SART1: variants seen among roughly 807,000 people sequenced by gnomAD.
The protein encoded by SART1 is U4/U6.U5 tri-snRNP-associated protein 1.
In SART1, 28 loss-of-function variants were observed where a neutral mutation model predicts 105.0. The observed-to-expected ratio is 0.27, with a 90% confidence interval of 0.20 to 0.37. The LOEUF (loss-of-function observed/expected upper bound fraction) is 0.37, where lower values mean the gene tolerates loss of function less well. Among genes scored for constraint, SART1 ranks in the 10% least tolerant of loss-of-function variants. The probability of loss-of-function intolerance (pLI) is 1.00; values close to 1 mark genes in which losing one functional copy is unlikely to be tolerated. For synonymous variants in SART1, 472 were observed against 462.9 expected (o/e 1.02, Z -0.25); for missense variants, 894 against 1,106.5 (o/e 0.81, Z 2.72).
In SART1 at chr11:65,965,188, A is replaced by G; in HGVS notation, c.524A>G (p.Lys175Arg). 6.2e-7 allele frequency: 1 copy of G among 1,607,464 alleles called. No individual in the cohort carries two copies. Among genetic ancestry groups the G allele is most frequent in the South Asian group, 1.1e-5 (1 of 90,708 alleles). The change falls in exon 4 of 20, where the codon AAG becomes AGG. Residue 175 changes from lysine to arginine, a missense_variant. Transcript: ENST00000312397. ...EELREKLAAA[K>R]EKRLLNQKLG... is the part of the protein sequence containing the mutation. ...CTGCGGGAGAAGCTGGCGGCTGCCA[A>G]GGAGAAGCGCCTGCTGAACCAAAAG...
chr11:65,976,722 G>A lies in SART1; in HGVS notation c.1813G>A (p.Gly605Ser). ...GSESDGEENI[G>S]WSTVNLDEEK... ...CGAATCTGACGGGGAGGAGAACATCGGCTGGAGCACGGTGAACCTGGACGA... is the reference window on the plus strand; with the variant it reads ...CGAATCTGACGGGGAGGAGAACATCAGCTGGAGCACGGTGAACCTGGACGA... Residue 605 changes from glycine to serine, a missense_variant, in exon 14 of 20, where the codon GGC (glycine) becomes AGC (serine). Gly to Ser is a moderately conservative substitution (Grantham distance 56, BLOSUM62 0). This residue lies in a region of SART1 where 182 missense variants were observed against 328.3 expected (regional missense o/e 0.55). Transcript: ENST00000312397. The surrounding 1 kb of genome is among the most constrained non-coding windows in gnomAD (Gnocchi z 5.1). 1 of 1,613,190 alleles carries A rather than the reference G, an allele frequency of 6.2e-7. No homozygotes were observed. The highest frequency in any genetic ancestry group is 8.5e-7 in the Non-Finnish European group (1 of 1,179,770).
At chr11:65,969,160 G>A (rs1354608183) in intron 12 of SART1, among the ~76,000 whole-genome samples, 1 of 152,170 alleles carries the variant, frequency 6.6e-6, no homozygotes, top group Non-Finnish European at 1.5e-5. Context: ...TTGAAGGGCT[G>A]GAGAGGACGT....
At chr11:65,964,215 A>G (rs1008823260) in intron 2 of SART1, 84 bp downstream of exon 2, 5 of 1,148,096 alleles carry the variant, frequency 4.4e-6, no homozygotes, top group African/African-American at 3.0e-5. Flanking sequence ...TTCTCACATG[A>G]AAGTGTGCTA....
At chr11:65,964,294 C>T (rs1482689395) in intron 2 of SART1, 163 bp downstream of exon 2, 2 of 850,612 alleles carry the variant, frequency 2.4e-6, no homozygotes, top group African/African-American at 1.7e-5. Context: ...AAACTAAAAC[C>T]TAAGAGTAAA....
At chr11:65,965,610 G>A in intron 5 of SART1, 92 bp from the exon 6 acceptor site, 1 of 1,399,928 alleles carries the variant, frequency 7.1e-7, no homozygotes, top group Non-Finnish European at 9.9e-7. Context: ...TGCAAGGCCT[G>A]CCCTTTTTGC....
At position 65,967,180 on chromosome 11, in the gene SART1, GA is replaced by G. The variant is rs1855276507; in HGVS notation, c.1189-77del. The stretch of plus-strand genomic sequence containing the variant: ...CTGGCTAGCACAGAGGAACACCAAA[GA>G]AGTGTTCACCCTCGAGGGCTTGTGG... On this transcript the variant is annotated intron_variant, in intron 9 of 19. Transcript: ENST00000312397. 6.4e-6 allele frequency: 10 copies of G among 1,563,086 alleles called. No individual in the cohort carries two copies. In the South Asian group the frequency reaches 1.2e-4, roughly 19 times the overall value.
At chr11:65,964,877 A>T (rs1266305450) in intron 3 of SART1, among the ~76,000 whole-genome samples, 2 of 152,090 alleles carry the variant, frequency 1.3e-5, no homozygotes, top group Non-Finnish European at 2.9e-5. Context: ...TTAAAGCACG[A>T]TTTGAGGGGC....
In SART1 at chr11:65,977,645, G is replaced by A. The variant is rs1391516524; in HGVS notation, c.2028G>A (p.Glu676=). ...TGCCCTCAGCCGTGTACTGCATCGA[G>A]GATAAGATGTGAGTGTGGTGGGGCC... ...KSLPSAVYCI[E]DKMAIDDKYS... The change falls in exon 16 of 20, where the codon GAG becomes GAA. Residue 676 remains glutamate (E), a synonymous_variant. Transcript: ENST00000312397. 11 of 1,613,926 alleles carry A rather than the reference G, an allele frequency of 6.8e-6. No homozygotes were observed. The highest frequency in any genetic ancestry group is 9.3e-6 in the Non-Finnish European group (11 of 1,180,016).
Position 65,961,993 on chromosome 11 carries a change from A to G in SART1, c.213A>G (p.Glu71=). ...GCGGGAGCGGGCGGCGCGGGGCCGA[A>G]GCTGAGGCCCGGAGCAGCACGCACG... is the stretch of plus-strand genomic sequence containing the variant. ...GERGSGRRGA[E]AEARSSTHGR... The change falls in exon 1 of 20, where the codon GAA becomes GAG. Residue 71 remains glutamate (E), a synonymous_variant. Coordinates refer to ENST00000312397, the MANE Select transcript of SART1 (RefSeq NM_005146.5). The G allele has an allele frequency of 1.3e-6, 2 of 1,514,716 alleles. No homozygotes were observed. Among genetic ancestry groups the G allele is most frequent in the Non-Finnish European group, 1.8e-6 (2 of 1,134,780 alleles). 93.8% of individuals were successfully genotyped at this position (1,514,716 alleles called of 1,614,324 possible).
chr11:65,977,939 C>T (rs1211739118), intron 17 of SART1, 40 bp downstream of exon 17: 1 of 1,590,978 alleles, frequency 6.3e-7, no homozygotes, highest in Admixed American at 1.8e-5. Flanking sequence ...CGGCCTGCCA[C>T]AGGGAGGCCA....
At chr11:65,973,765 T>C (rs1370824072) in intron 12 of SART1, among the ~76,000 whole-genome samples, 2 of 152,240 alleles carry the variant, frequency 1.3e-5, no homozygotes, top group Non-Finnish European at 2.9e-5. Flanking sequence ...GCTCACGGGC[T>C]GTGATTCCAT....
At position 65,976,759 on chromosome 11, in the gene SART1, A is replaced by C; in HGVS notation, c.1850A>C (p.Gln617Pro). ...STVNLDEEKQQQDFSASSTTI... is the reference protein window; with the variant it reads ...STVNLDEEKQPQDFSASSTTI... ...GTGAACCTGGACGAGGAGAAGCAGCAGCAGGATGTGAGGGCCGCGCCGCTG... is the reference window on the plus strand; with the variant it reads ...GTGAACCTGGACGAGGAGAAGCAGCCGCAGGATGTGAGGGCCGCGCCGCTG... The change falls in exon 14 of 20, where the codon CAG (glutamine) becomes CCG (proline). Residue 617 changes from glutamine to proline, a missense_variant. Physicochemically the swap from Gln to Pro is moderately conservative, Grantham distance 76. Around this residue, in one of 2 missense-constraint regions of SART1, gnomAD observed 182 missense variants for 328.3 expected, o/e 0.55. Coordinates refer to ENST00000312397, the MANE Select transcript of SART1 (RefSeq NM_005146.5). This position sits in a 1 kb window ranked among gnomAD's most constrained non-coding sequence, Gnocchi z 5.1. 1 of 1,609,896 alleles carries C rather than the reference A, an allele frequency of 6.2e-7. No homozygotes were observed. Among genetic ancestry groups the C allele is most frequent in the Middle Eastern group, 1.9e-4 (1 of 5,342 alleles).
At chr11:65,962,800 G>T (rs1209459727) in intron 1 of SART1, among the ~76,000 whole-genome samples, 3 of 152,230 alleles carry the variant, frequency 2.0e-5, no homozygotes, top group Non-Finnish European at 4.4e-5. Flanking sequence ...GCAGCAGTGG[G>T]ATTGAGAGAA....
In SART1 at chr11:65,978,522, T is replaced by G; in HGVS notation, c.2173-78T>G. ...TGGGGTCAATCAACACCCGCCCTGT[T>G]ATTATACACCTTGTGGGCACAGGTG... On this transcript the variant is annotated intron_variant, in intron 17 of 19. Coordinates refer to ENST00000312397, the MANE Select transcript of SART1 (RefSeq NM_005146.5). This position sits in a 1 kb window ranked among gnomAD's most constrained non-coding sequence, Gnocchi z 6.8. 2 of 1,401,038 alleles carry G rather than the reference T, an allele frequency of 1.4e-6. No individual in the cohort carries two copies. Among genetic ancestry groups the G allele is most frequent in the Non-Finnish European group, 2.0e-6 (2 of 1,012,942 alleles). The allele number at this position is 1,401,038 out of a possible 1,614,324, so 86.8% of individuals were successfully genotyped here.
Position 65,976,868 on chromosome 11 carries a change from G to C in SART1, c.1857+102G>C. ...GCCTCAGCCTCCTCATCCAGAGTGG[G>C]CTCTGCAGACCTCCCAGGGCGATCT... is the stretch of plus-strand genomic sequence containing the variant. On this transcript the variant is annotated intron_variant, in intron 14 of 19. Coordinates refer to ENST00000312397, the MANE Select transcript of SART1 (RefSeq NM_005146.5). This position sits in a 1 kb window ranked among gnomAD's most constrained non-coding sequence, Gnocchi z 5.1. 1.7e-6 allele frequency: 2 copies of C among 1,175,278 alleles called. No individual in the cohort carries two copies. Among genetic ancestry groups the C allele is most frequent in the Admixed American group, 2.0e-5 (1 of 49,146 alleles). 72.8% of individuals were successfully genotyped at this position (1,175,278 alleles called of 1,614,324 possible). A position where few individuals can be genotyped will look rare whatever the true frequency, so the allele number is the denominator to read the frequency against.
Position 65,977,579 on chromosome 11 carries a change from A to G in SART1, c.1962A>G (p.Thr654=). ...LCQNKGLLET[T]VQKVARVKAP... is the part of the protein sequence containing the mutation. ...CATCCCTAGGGCTGCTGGAGACCAC[A>G]GTGCAGAAGGTGGCCCGGGTGAAGG... is the stretch of plus-strand genomic sequence containing the variant. Residue 654 remains threonine (T), a synonymous_variant, in exon 16 of 20, where the codon ACA becomes ACG. Transcript: ENST00000312397. 2 of 1,613,960 alleles carry G rather than the reference A, an allele frequency of 1.2e-6. No individual in the cohort carries two copies. Among genetic ancestry groups the G allele is most frequent in the Non-Finnish European group, 1.7e-6 (2 of 1,179,972 alleles).
Position 65,978,949 on chromosome 11 carries a change from T to C in SART1, c.2384+35T>C. 6.2e-7 allele frequency: 1 copy of C among 1,608,870 alleles called. No homozygotes were observed. The highest frequency in any genetic ancestry group is 8.5e-7 in the Non-Finnish European group (1 of 1,177,294). On this transcript the variant is annotated intron_variant, in intron 19 of 19. Transcript: ENST00000312397. The surrounding 1 kb of genome is among the most constrained non-coding windows in gnomAD (Gnocchi z 6.8). Reference sequence around the variant, plus strand: ...TCGAGGCTGGTGGGGTAGGGTGTGGTGGGGAGGGGTGGCGTGGCCTGTGCC... The same window carrying C: ...TCGAGGCTGGTGGGGTAGGGTGTGGCGGGGAGGGGTGGCGTGGCCTGTGCC...
chr11:65,961,813 G>A lies in SART1; in HGVS notation c.33G>A (p.Lys11=), dbSNP rs768508713. The A allele has an allele frequency of 6.4e-7, 1 of 1,561,046 alleles. No homozygotes were observed. Among genetic ancestry groups the A allele is most frequent in the African/African-American group, 1.4e-5 (1 of 69,758 alleles). The part of the protein sequence containing the change: MGSSKKHRGE[K]EAAGTTAAAG... ...CGTCCAAGAAGCATCGCGGAGAGAA[G>A]GAGGCGGCCGGGACGACGGCGGCGG... The change falls in exon 1 of 20, where the codon AAG becomes AAA. Residue 11 remains lysine (K), a synonymous_variant. Transcript: ENST00000312397.
At chr11:65,974,393 C>CAAA (rs1855442037) in intron 12 of SART1, among the ~76,000 whole-genome samples, 5 of 87,976 alleles carry the variant, frequency 5.7e-5, no homozygotes, top group Admixed American at 2.9e-4. Flanking sequence ...AAAAAAAAAC[C>CAAA]ATATCAGCCG....
Sources: gnomAD v4.1 joint callset for allele counts (sites outside exome capture counted in the v4.1 genomes callset) on GRCh38, gnomAD v4.1.1 for gene constraint, gnomAD v4.1.1 regional missense constraint, Gnocchi (gnomAD v3.1) non-coding constraint, MANE v1.5 for transcripts, NCBI Gene and HGNC (gene_info 2026-07-23, HGNC 2026-07-21) for gene names.